The following SPTSSA variants were observed in gnomAD, a reference collection of about 807,000 sequenced individuals.
SPTSSA encodes the protein small subunit of serine palmitoyltransferase A.
Under a neutral mutation model 9.1 loss-of-function variants are expected in SPTSSA, and 8 were observed. That is an observed-to-expected ratio of 0.88 (90% CI 0.51 to 1.58). The LOEUF is 1.58. Among genes scored for constraint, SPTSSA ranks in the 40% most tolerant of loss-of-function variants. The pLI, the probability that SPTSSA is intolerant of heterozygous loss-of-function variation, is 0.00. For missense variants in SPTSSA, 100 were observed against 93.8 expected, an observed-to-expected ratio of 1.07 and a Z score of -0.27; for synonymous variants, 42 against 37.7, an observed-to-expected ratio of 1.11 and a Z score of -0.41.
At chr14:34,455,316 G>A (rs1238957438) in intron 1 of SPTSSA, among the ~76,000 whole-genome samples, 2 of 151,998 alleles carry the variant, frequency 1.3e-5, no homozygotes, top group Non-Finnish European at 2.9e-5. Flanking sequence ...GCAACCAGAA[G>A]GCAAAGGTTG....
intron 1 of SPTSSA, among the ~76,000 whole-genome samples, 188 bp downstream of exon 1, chr14:34,461,908 C>A (rs903222806): frequency 6.6e-6 from 1 of 151,158 alleles, no homozygotes; most frequent in East Asian, 2.0e-4. Flanking sequence ...TCGTCTCCCC[C>A]ACCCCCCACT....
chr14:34,452,223 G>A (rs1258146418), intron 1 of SPTSSA, among the ~76,000 whole-genome samples: 1 of 141,664 alleles, frequency 7.1e-6, no homozygotes, highest in Non-Finnish European at 1.5e-5. Flanking sequence ...TCCAGCCTGA[G>A]CAACAGAGTG....
At chr14:34,437,863 C>T (rs1566421140) in intron 1 of SPTSSA, among the ~76,000 whole-genome samples, 2 of 152,278 alleles carry the variant, frequency 1.3e-5, no homozygotes, top group East Asian at 3.9e-4. Context: ...TGCAGTTACA[C>T]AATCATAGTT....
At chr14:34,455,017 G>A (rs1341208019) in intron 1 of SPTSSA, among the ~76,000 whole-genome samples, 1 of 151,770 alleles carries the variant, frequency 6.6e-6, no homozygotes, top group Non-Finnish European at 1.5e-5. Context: ...AACCCAGGAG[G>A]CGGAGGCTAC....
At chr14:34,444,795 TTAA>T (rs1223052739) in intron 1 of SPTSSA, among the ~76,000 whole-genome samples, 5 of 150,774 alleles carry the variant, frequency 3.3e-5, no homozygotes, top group Admixed American at 3.3e-4. Context: ...TAACATGCAA[TTAA>T]GACTACCAGA....
chr14:34,435,775 G>T (rs962294400), intron 1 of SPTSSA, among the ~76,000 whole-genome samples: 1 of 151,494 alleles, frequency 6.6e-6, no homozygotes, highest in African/African-American at 2.4e-5. Flanking sequence ...GATTACAGGT[G>T]CCCGCCATGA....
intron 1 of SPTSSA, among the ~76,000 whole-genome samples, chr14:34,441,598 C>A (rs1471044754): frequency 1.3e-5 from 2 of 152,078 alleles, no homozygotes; most frequent in African/African-American, 4.8e-5. Context: ...AAGAGGTAAA[C>A]CTAAAGTTTG....
intron 1 of SPTSSA, among the ~76,000 whole-genome samples, chr14:34,448,993 C>CT (rs1373933494): frequency 6.6e-6 from 1 of 152,036 alleles, no homozygotes; most frequent in Non-Finnish European, 1.5e-5. Flanking sequence ...GAGTGAGACT[C>CT]TATCTAAAAA....
At chr14:34,460,326 C>T (rs1878590684) in intron 1 of SPTSSA, among the ~76,000 whole-genome samples, 1 of 151,952 alleles carries the variant, frequency 6.6e-6, no homozygotes, top group Non-Finnish European at 1.5e-5. Flanking sequence ...TATTGGATGT[C>T]AGTTGGTTGC....
In SPTSSA at chr14:34,434,361, T is replaced by C. The variant is rs913387714; in HGVS notation, c.*840A>G. On this transcript the variant is annotated 3_prime_UTR_variant, in exon 2 of 2. Transcript: ENST00000298130. ...TGCAATGTGCAAATGCAGCACCCATTACAATCATTAAACTAAATTTAAGGA... is the reference window on the plus strand; with the variant it reads ...TGCAATGTGCAAATGCAGCACCCATCACAATCATTAAACTAAATTTAAGGA... The C allele has an allele frequency of 2.0e-5, 3 of 152,672 alleles. No individual in the cohort carries two copies. Among genetic ancestry groups the C allele is most frequent in the African/African-American group, 7.2e-5 (3 of 41,474 alleles). The allele number at this position is 152,672 out of a possible 1,614,324, so 9.5% of individuals were successfully genotyped here.
At chr14:34,449,678 T>G (rs564387315) in intron 1 of SPTSSA, among the ~76,000 whole-genome samples, 1 of 151,618 alleles carries the variant, frequency 6.6e-6, no homozygotes, top group South Asian at 2.1e-4. Context: ...GATTTTTATA[T>G]TTTTAGTAGA....
chr14:34,457,331 GC>G (rs1446764011), intron 1 of SPTSSA, among the ~76,000 whole-genome samples: 3 of 152,060 alleles, frequency 2.0e-5, no homozygotes, highest in African/African-American at 7.2e-5. Context: ...GTACTTCAGG[GC>G]GTGTCTCACT....
Position 34,448,642 on chromosome 14 carries a change from C to G in SPTSSA, c.113-13338G>C, listed in dbSNP as rs953408938. ...AAAATTCTGTAACCGGGCCTTTGAG[C>G]CCCTATGTTCAGGCCCACTTCCATA... is the stretch of plus-strand genomic sequence containing the variant. On this transcript the variant is annotated intron_variant, in intron 1 of 1. Coordinates refer to ENST00000298130, the MANE Select transcript of SPTSSA (RefSeq NM_138288.4). 2.6e-5 allele frequency among the ~76,000 whole-genome samples: 4 copies of G among 152,292 alleles called. No homozygotes were observed. In the South Asian group the frequency reaches 8.3e-4, roughly 32 times the overall value.
chr14:34,438,496 C>A (rs1232237449), intron 1 of SPTSSA, among the ~76,000 whole-genome samples: 1 of 152,100 alleles, frequency 6.6e-6, no homozygotes. Flanking sequence ...CCTCACCTTC[C>A]ATACTGCAGA....
Position 34,462,180 on chromosome 14 carries a change from A to C in SPTSSA, c.28T>G (p.Trp10Gly). ...TAGTAGAACCAGGACATCTGCTTCCAGGCCCGCGCCAGCGCCATCCCCGCC... is the reference window on the plus strand; with the variant it reads ...TAGTAGAACCAGGACATCTGCTTCCCGGCCCGCGCCAGCGCCATCCCCGCC... Reference protein sequence around the residue: MAGMALARAWKQMSWFYYQY... With the variant: MAGMALARAGKQMSWFYYQY... The change falls in exon 1 of 2, where the codon TGG becomes GGG. Residue 10 changes from tryptophan (W) to glycine (G), a missense_variant. Trp to Gly is a radical substitution (Grantham distance 184). Coordinates refer to ENST00000298130, the MANE Select transcript of SPTSSA (RefSeq NM_138288.4). The C allele has an allele frequency of 6.5e-7, 1 of 1,531,970 alleles. No homozygotes were observed. The highest frequency in any genetic ancestry group is 8.8e-7 in the Non-Finnish European group (1 of 1,135,280). 94.9% of individuals were successfully genotyped at this position (1,531,970 alleles called of 1,614,324 possible).
rs536032018 is a variant in SPTSSA, at chr14:34,455,035, C to T, written c.112+7061G>A. Among the ~76,000 whole-genome samples, 9 of 151,290 alleles carry T rather than the reference C, an allele frequency of 5.9e-5. No homozygotes were observed. In the South Asian group the frequency reaches 1.9e-3, roughly 32 times the overall value. The stretch of plus-strand genomic sequence containing the variant: ...CCAGGAGGCGGAGGCTACAGTGACC[C>T]AAGATTGCGCCACTGCACTCCAGCC... On this transcript the variant is annotated intron_variant, in intron 1 of 1. Coordinates refer to ENST00000298130, the MANE Select transcript of SPTSSA (RefSeq NM_138288.4).
chr14:34,440,564 C>T (rs558639129), intron 1 of SPTSSA, among the ~76,000 whole-genome samples: 2 of 152,232 alleles, frequency 1.3e-5, no homozygotes, highest in South Asian at 2.1e-4. Flanking sequence ...ATTAGCCTAA[C>T]GGGTTATTCC....
At position 34,443,604 on chromosome 14, in the gene SPTSSA, T is replaced by A. The variant is rs1255993173; in HGVS notation, c.113-8300A>T. On this transcript the variant is annotated intron_variant, in intron 1 of 1. Transcript: ENST00000298130. ...CAGCTGGAGTGCAATGGCACAGTCT[T>A]AGCTCACTGCAACCTCTGCCTCCCA... Among the ~76,000 whole-genome samples, 2 of 147,786 alleles carry A rather than the reference T, an allele frequency of 1.4e-5. 1 individual carries two copies. The highest frequency in any genetic ancestry group is 6.5e-3 in the Middle Eastern group (2 of 308).
chr14:34,443,199 GTGTGTGT>G (rs1463253129), intron 1 of SPTSSA, among the ~76,000 whole-genome samples: 2 of 11,680 alleles, frequency 1.7e-4, no homozygotes, highest in African/African-American at 2.3e-3. Context: ...CCTCTAGGGG[GTGTGTGT>G]GTGTGTGTGT....
Sources: allele counts gnomAD v4.1 joint callset (sites outside exome capture counted in the v4.1 genomes callset), GRCh38; gene constraint gnomAD v4.1.1; transcripts MANE v1.5; gene names NCBI Gene and HGNC (gene_info 2026-07-23, HGNC 2026-07-21).